SPATA13: variants seen among roughly 807,000 people sequenced by gnomAD.
SPATA13 encodes spermatogenesis-associated protein 13.
In SPATA13, 50 loss-of-function variants were observed where a neutral mutation model predicts 104.0. The observed-to-expected ratio is 0.48, with a 90% CI of 0.38 to 0.61. The LOEUF (loss-of-function observed/expected upper bound fraction) is 0.61, where lower values mean the gene tolerates loss of function less well. Among genes scored for constraint, SPATA13 ranks in the 20% least tolerant of loss-of-function variants. The pLI, the probability that SPATA13 is intolerant of heterozygous loss-of-function variation, is 0.00. For synonymous variants in SPATA13, 606 were observed against 667.5 expected, an observed-to-expected ratio of 0.91 and a Z score of 1.42; for missense variants, 1,524 against 1,690.6, an observed-to-expected ratio of 0.90 and a Z score of 1.73.
chr13:24,017,573 A>G (rs1876776037), intron 2 of SPATA13: 1 of 544,314 alleles, frequency 1.8e-6, no homozygotes, highest in Non-Finnish European at 2.3e-6. Flanking sequence ...TATTTTTTAG[A>G]TCAGATAGAC....
chr13:24,072,017 T>C (rs1405244314), intron 3 of SPATA13, among the ~76,000 whole-genome samples: 1 of 152,176 alleles, frequency 6.6e-6, no homozygotes, highest in African/African-American at 2.4e-5. Context: ...TCAATCCATA[T>C]GCCGTCTTCT....
chr13:24,019,385 G>A (rs890561935), intron 3 of SPATA13, among the ~76,000 whole-genome samples: 9 of 152,166 alleles, frequency 5.9e-5, no homozygotes, highest in African/African-American at 2.2e-4. Context: ...ACCACACCCG[G>A]CCATGATTCT....
chr13:24,244,019 T>C (rs1872984218), intron 2 of SPATA13, among the ~76,000 whole-genome samples: 1 of 152,198 alleles, frequency 6.6e-6, no homozygotes, highest in Non-Finnish European at 1.5e-5. Context: ...AAGTTTGAGA[T>C]CAAAGTGTTG....
chr13:24,128,003 C>T (rs1295066469), intron 3 of SPATA13, among the ~76,000 whole-genome samples: 1 of 152,220 alleles, frequency 6.6e-6, no homozygotes, highest in Non-Finnish European at 1.5e-5. Context: ...AGGGCTAACC[C>T]ATGTGCCACA....
At chr13:24,117,326 T>C (rs1299019153) in intron 3 of SPATA13, among the ~76,000 whole-genome samples, 5 of 152,156 alleles carry the variant, frequency 3.3e-5, no homozygotes, top group Non-Finnish European at 7.4e-5. Flanking sequence ...GATTGGGCCT[T>C]GTCCAGGTAT....
intron 4 of SPATA13, among the ~76,000 whole-genome samples, chr13:24,262,072 A>T (rs1874086193): frequency 6.6e-6 from 1 of 152,228 alleles, no homozygotes. Flanking sequence ...AGATGGGAAG[A>T]TTACACATCA....
intron 3 of SPATA13, among the ~76,000 whole-genome samples, chr13:24,030,311 A>G (rs1387314265): frequency 1.3e-5 from 2 of 152,176 alleles, no homozygotes; most frequent in Non-Finnish European, 2.9e-5. Context: ...TCACTGCTCT[A>G]TAAACTCCTG....
intron 3 of SPATA13, among the ~76,000 whole-genome samples, chr13:24,152,264 C>CT (rs1882119777): frequency 6.6e-6 from 1 of 152,174 alleles, no homozygotes; most frequent in Admixed American, 6.5e-5. Context: ...GGCACGGGGA[C>CT]TCCCTCTGCC....
At chr13:24,143,019 A>G (rs147037943) in intron 3 of SPATA13, among the ~76,000 whole-genome samples, 3 of 152,290 alleles carry the variant, frequency 2.0e-5, no homozygotes, top group East Asian at 3.9e-4. Flanking sequence ...ACCCTGAGAC[A>G]ATGGCTTGAG....
chr13:24,057,230 C>G lies in SPATA13; in HGVS notation c.-112+39529C>G, dbSNP rs529456662. On this transcript the variant is annotated intron_variant, in intron 3 of 14. Coordinates refer to the SPATA13 transcript ENST00000424834. Reference sequence around the variant, plus strand: ...ATATCTCCTAAAGCTATCCCTCCCCCCTCCCCCCAACCCCACAACAGTCCC... The same window carrying G: ...ATATCTCCTAAAGCTATCCCTCCCCGCTCCCCCCAACCCCACAACAGTCCC... Among the ~76,000 whole-genome samples, 210 of 151,656 alleles carry G rather than the reference C, an allele frequency of 1.4e-3. 2 individuals are homozygous for G. Among genetic ancestry groups the G allele is most frequent in the African/African-American group, 4.9e-3 (203 of 41,368 alleles).
At position 24,251,860 on chromosome 13, in the gene SPATA13, A is replaced by G; in HGVS notation, c.2162A>G (p.Asn721Ser). ...CGCCGGCGGCAGATGAGAGCATCCA[A>G]CGGTGAGTCTCAGAGTCCCTTTCCT... is the stretch of plus-strand genomic sequence containing the variant. ...VGRRRQMRAS[N>S]VSSDGGTEPS... Residue 721 changes from asparagine (N) to serine (S), a missense_variant and splice_region_variant, in exon 4 of 13, where the codon AAC becomes AGC. Asn to Ser is a conservative substitution (Grantham distance 46). Coordinates refer to ENST00000382108, the MANE Select transcript of SPATA13 (RefSeq NM_001166271.3). 12 of 1,613,210 alleles carry G rather than the reference A, an allele frequency of 7.4e-6. No homozygotes were observed. Among genetic ancestry groups the G allele is most frequent in the East Asian group, 2.2e-5 (1 of 44,834 alleles).
chr13:24,204,059 A>G (rs550922757), intron 1 of SPATA13, among the ~76,000 whole-genome samples: 5 of 152,218 alleles, frequency 3.3e-5, no homozygotes, highest in African/African-American at 1.2e-4. Flanking sequence ...TAGTAATTGT[A>G]AGTGTCAGGA....
intron 3 of SPATA13, among the ~76,000 whole-genome samples, chr13:24,108,721 G>T (rs1020207153): frequency 6.6e-6 from 1 of 152,038 alleles, no homozygotes; most frequent in African/African-American, 2.4e-5. Flanking sequence ...CTGCAGCTCC[G>T]CACCTTTCCT....
chr13:24,215,128 G>T (rs988095568), intron 1 of SPATA13, among the ~76,000 whole-genome samples: 1 of 152,180 alleles, frequency 6.6e-6, no homozygotes, highest in East Asian at 1.9e-4. Context: ...GAGAGATGGG[G>T]TGTGTGCTCC....
intron 3 of SPATA13, among the ~76,000 whole-genome samples, chr13:24,139,864 T>A (rs567567157): frequency 1.3e-5 from 2 of 152,112 alleles, no homozygotes; most frequent in Non-Finnish European, 2.9e-5. Context: ...TCAGGAGATC[T>A]AGACCATCCT....
chr13:24,087,728 G>A (rs2137786746), intron 3 of SPATA13, among the ~76,000 whole-genome samples: 2 of 152,268 alleles, frequency 1.3e-5, no homozygotes, highest in South Asian at 4.1e-4. Context: ...GGAGGCCTCT[G>A]GCACCCTGGG....
intron 2 of SPATA13, among the ~76,000 whole-genome samples, chr13:23,999,079 C>T (rs1267685761): frequency 6.6e-6 from 1 of 152,074 alleles, no homozygotes; most frequent in Non-Finnish European, 1.5e-5. Context: ...GCACATGCCA[C>T]CATTTCAGGC....
At chr13:24,251,913 CG>C in intron 4 of SPATA13, 51 bp downstream of exon 4, 6 of 1,566,380 alleles carry the variant, frequency 3.8e-6, no homozygotes, top group Non-Finnish European at 5.2e-6. Context: ...CCCATCTGAC[CG>C]TTTCCAGCTA....
At chr13:24,103,899 A>C (rs937875519) in intron 3 of SPATA13, among the ~76,000 whole-genome samples, 2 of 152,106 alleles carry the variant, frequency 1.3e-5, no homozygotes, top group Non-Finnish European at 2.9e-5. Flanking sequence ...AAAATCTTAA[A>C]GGGAGTGTCC....
Sources: allele counts gnomAD v4.1 joint callset (sites outside exome capture counted in the v4.1 genomes callset), GRCh38; gene constraint gnomAD v4.1.1; transcripts MANE v1.5; gene names NCBI Gene and HGNC (gene_info 2026-07-23, HGNC 2026-07-21).